The following SPTAN1 variants were observed in gnomAD, a reference collection of about 807,000 sequenced individuals.
The protein encoded by SPTAN1 is spectrin alpha, non-erythrocytic 1.
SPTAN1 carries 61 observed loss-of-function variants against 331.3 expected under a neutral mutation model. That is an observed-to-expected ratio of 0.18 (90% CI 0.15 to 0.23). SPTAN1 has a LOEUF of 0.23. Among genes scored for constraint, SPTAN1 ranks in the 10% least tolerant of loss-of-function variants. SPTAN1 has a pLI of 1.00. For missense variants in SPTAN1, 2,043 were observed against 3,147.9 expected (o/e 0.65, Z 8.40); for synonymous variants, 1,153 against 1,173.9 (o/e 0.98, Z 0.36).
At position 128,624,688 on chromosome 9, in the gene SPTAN1, C is replaced by T. The variant is rs1589381885; in HGVS notation, c.5992+201C>T. 6 of 633,554 alleles carry T rather than the reference C, an allele frequency of 9.5e-6. No individual in the cohort carries two copies. The East Asian group carries it at 1.4e-4, about 15-fold the overall frequency. The allele number at this position is 633,554 out of a possible 1,614,324, so 39.2% of individuals were successfully genotyped here. On this transcript the variant is annotated intron_variant, in intron 46 of 56. Transcript: ENST00000372739. ...GAACTGCCACCCGGAACTGGGCTGG[C>T]ACCAGGGTCAATAAACAAAAGCCTG...
At chr9:128,554,111 A>G (rs1848407923) in intron 1 of SPTAN1, among the ~76,000 whole-genome samples, 1 of 152,214 alleles carries the variant, frequency 6.6e-6, no homozygotes, top group Admixed American at 6.5e-5. Context: ...TGCTGCAGTA[A>G]AGGCCTCTGT....
chr9:128,584,538 C>T lies in SPTAN1; in HGVS notation c.2437+13C>T. ...TCTACCAACAGAGGTCAGTCTGCTT[C>T]CCTCAGGTAGGAATCAACTTGGGAA... On this transcript the variant is annotated intron_variant, in intron 17 of 56. Coordinates refer to ENST00000372739, the MANE Select transcript of SPTAN1 (RefSeq NM_001130438.3). 2 of 1,614,064 alleles carry T rather than the reference C, an allele frequency of 1.2e-6. No homozygotes were observed. The highest frequency in any genetic ancestry group is 1.7e-6 in the Non-Finnish European group (2 of 1,179,992).
At chr9:128,591,302 G>A (rs1385048701) in intron 21 of SPTAN1, among the ~76,000 whole-genome samples, 175 bp from the exon 22 acceptor site, 7 of 151,956 alleles carry the variant, frequency 4.6e-5, no homozygotes, top group East Asian at 1.9e-4. Context: ...TCCTGACCTC[G>A]TAATCCACCC....
At chr9:128,620,432 T>C (rs1564302588) in intron 44 of SPTAN1, among the ~76,000 whole-genome samples, 2 of 152,172 alleles carry the variant, frequency 1.3e-5, no homozygotes, top group East Asian at 1.9e-4. Context: ...GGAAAAGACC[T>C]GGGGCCAGGT....
intron 1 of SPTAN1, 142 bp from the exon 2 acceptor site, chr9:128,566,596 G>T: frequency 1.6e-6 from 2 of 1,272,378 alleles, no homozygotes; most frequent in East Asian, 4.9e-5. Context: ...GGGCTTCATT[G>T]TTCCTAAGAA....
At chr9:128,599,934 A>G (rs547188736) in intron 26 of SPTAN1, 146 bp from the exon 27 acceptor site, 1 of 840,982 alleles carries the variant, frequency 1.2e-6, no homozygotes, top group East Asian at 2.6e-5. Context: ...TTACCAGCCA[A>G]ACTATGGAGG....
At position 128,590,346 on chromosome 9, in the gene SPTAN1, C is replaced by A. The variant is rs574696443; in HGVS notation, c.3007-1131C>A. Reference sequence around the variant, plus strand: ...GTGCTGCTTCTGCAGTAACTACTAGCTACGTGTGATAGTAAGCCCTTAAAA... The same window carrying A: ...GTGCTGCTTCTGCAGTAACTACTAGATACGTGTGATAGTAAGCCCTTAAAA... On this transcript the variant is annotated intron_variant, in intron 21 of 56. Transcript: ENST00000372739. Among the ~76,000 whole-genome samples, 45 of 152,224 alleles carry A rather than the reference C, an allele frequency of 3.0e-4. 1 individual carries two copies. In the East Asian group the frequency reaches 3.9e-3, roughly 13 times the overall value.
rs117977733 is a variant in SPTAN1 at position 128,579,859 on chromosome 9, C to G, written c.1323+121C>G. On this transcript the variant is annotated intron_variant, in intron 10 of 56. Coordinates refer to ENST00000372739, the MANE Select transcript of SPTAN1 (RefSeq NM_001130438.3). ...TTCACCATGATATGTGAGAAACTTT[C>G]CTTTCTCTGCAGAGGTTTAAAAAGA... is the stretch of plus-strand genomic sequence containing the variant. 3.8e-3 allele frequency: 3,189 copies of G among 840,644 alleles called. 15 individuals carry two copies. The highest frequency in any genetic ancestry group is 5.4e-3 in the Non-Finnish European group (2,789 of 512,144). The allele number at this position is 840,644 out of a possible 1,614,324, so 52.1% of individuals were successfully genotyped here.
chr9:128,558,251 CCT>C (rs778905676), intron 1 of SPTAN1, among the ~76,000 whole-genome samples: 5 of 152,160 alleles, frequency 3.3e-5, no homozygotes, highest in Non-Finnish European at 7.4e-5. Flanking sequence ...GCTTTATCCC[CCT>C]GAGATTCGCA....
chr9:128,624,086 C>CAAAAAAAA, intron 45 of SPTAN1, among the ~76,000 whole-genome samples: 1 of 66,810 alleles, frequency 1.5e-5, no homozygotes, highest in Non-Finnish European at 3.6e-5. Context: ...CACTCCGTCT[C>CAAAAAAAA]AAAAAAAAAA....
At chr9:128,589,253 C>T (rs1376812261) in intron 21 of SPTAN1, among the ~76,000 whole-genome samples, 1 of 150,572 alleles carries the variant, frequency 6.6e-6, no homozygotes, top group Non-Finnish European at 1.5e-5. Flanking sequence ...TTCTGTATAA[C>T]TTGGACCTGT....
intron 39 of SPTAN1, among the ~76,000 whole-genome samples, chr9:128,612,876 G>A (rs1856726733): frequency 1.3e-5 from 2 of 151,714 alleles, no homozygotes; most frequent in African/African-American, 4.8e-5. Flanking sequence ...AGTGAGCTGG[G>A]ATCACACCAT....
At position 128,633,540 on chromosome 9, in the gene SPTAN1, A is replaced by G. The variant is rs1589424719; in HGVS notation, c.*206A>G. On this transcript the variant is annotated 3_prime_UTR_variant, in exon 57 of 57. Transcript: ENST00000372739. ...GTGGGGACCCAGATCTGTGTCTTGA[A>G]GCAGCTGCCCTCATTCCGACTTCAG... 6.4e-6 allele frequency: 7 copies of G among 1,090,436 alleles called. No homozygotes were observed. The highest frequency in any genetic ancestry group is 9.4e-6 in the Non-Finnish European group (7 of 742,056). 67.5% of individuals were successfully genotyped at this position (1,090,436 alleles called of 1,614,324 possible).
Position 128,598,481 on chromosome 9 carries a change from G to A in SPTAN1, c.3496G>A (p.Glu1166Lys). The A allele has an allele frequency of 6.2e-7, 1 of 1,611,264 alleles. No individual in the cohort carries two copies. Among genetic ancestry groups the A allele is most frequent in the Non-Finnish European group, 8.5e-7 (1 of 1,178,888 alleles). ...DLESEGLMAE[E>K]VQAVQQQEVY... ...GGAGTCTGAAGGTCTCATGGCAGAG[G>A]AGGTGCAGGCTGTGCAACAACAGGT... Residue 1166 changes from glutamate to lysine, a missense_variant, in exon 25 of 57, where the codon GAG becomes AAG. By Grantham distance (56) the Glu-to-Lys change is moderately conservative (BLOSUM62 1). Coordinates refer to ENST00000372739, the MANE Select transcript of SPTAN1 (RefSeq NM_001130438.3).
chr9:128,614,981 G>T (rs1343502892), intron 40 of SPTAN1, among the ~76,000 whole-genome samples: 1 of 152,162 alleles, frequency 6.6e-6, no homozygotes, highest in Admixed American at 6.5e-5. Flanking sequence ...GTGATTATAT[G>T]ATATCAAAAC....
chr9:128,620,722 A>C lies in SPTAN1; in HGVS notation c.5734-436A>C, dbSNP rs550979846. Among the ~76,000 whole-genome samples the C allele has an allele frequency of 9.3e-3, 1,349 of 145,124 alleles. 7 individuals carry two copies. The highest frequency in any genetic ancestry group is 0.03 in the South Asian group (132 of 4,368). ...AATAGAGCAAGAACTCCGTCTCAAA[A>C]AGAAAAAAAAAAGACATGACTTGGA... On this transcript the variant is annotated intron_variant, in intron 44 of 56. Transcript: ENST00000372739.
intron 51 of SPTAN1, chr9:128,628,849 C>T (rs775754130): frequency 1.3e-4 from 42 of 335,198 alleles, no homozygotes; most frequent in Non-Finnish European, 2.1e-4. Context: ...GACTCCCCTC[C>T]CTGCCCCATG....
chr9:128,556,078 G>T (rs1033536094), intron 1 of SPTAN1, among the ~76,000 whole-genome samples: 2 of 151,942 alleles, frequency 1.3e-5, no homozygotes, highest in African/African-American at 4.8e-5. Context: ...AAAATTAGCC[G>T]GGTGTTGTGG....
At position 128,617,742 on chromosome 9, in the gene SPTAN1, G is replaced by T; in HGVS notation, c.5460G>T (p.Ala1820=). Residue 1820 remains alanine, a synonymous_variant, in exon 42 of 57, where the codon GCG becomes GCT. Coordinates refer to ENST00000372739, the MANE Select transcript of SPTAN1 (RefSeq NM_001130438.3). ...KHKRLEAELA[A]HEPAIQGVLD... The stretch of plus-strand genomic sequence containing the variant: ...AGCGGCTGGAAGCAGAACTGGCTGC[G>T]CATGAGCCGGCTATTCAGGTAAGGA... 1 of 1,614,066 alleles carries T rather than the reference G, an allele frequency of 6.2e-7. No homozygotes were observed. The highest frequency in any genetic ancestry group is 8.5e-7 in the Non-Finnish European group (1 of 1,180,010).
Sources: gnomAD v4.1 joint callset for allele counts (sites outside exome capture counted in the v4.1 genomes callset) on GRCh38, gnomAD v4.1.1 for gene constraint, MANE v1.5 for transcripts, NCBI Gene and HGNC (gene_info 2026-07-23, HGNC 2026-07-21) for gene names.